ADAMTS17: variants seen among roughly 807,000 people sequenced by gnomAD.
ADAMTS17 encodes the protein A disintegrin and metalloproteinase with thrombospondin motifs 17.
Under a neutral mutation model 141.5 loss-of-function variants are expected in ADAMTS17, and 113 were observed. The observed-to-expected ratio is 0.80, with a 90% confidence interval of 0.69 to 0.93. ADAMTS17 has a LOEUF of 0.93. Ranked by LOEUF, ADAMTS17 falls within the 40% of genes least tolerant of loss-of-function variation. The probability of loss-of-function intolerance (pLI) is 0.00; values close to 1 mark genes in which losing one functional copy is unlikely to be tolerated. For missense variants in ADAMTS17, 1,659 were observed against 1,517.9 expected (o/e 1.09, Z -1.54); for synonymous variants, 768 against 630.6 (o/e 1.22, Z -3.27).
Position 99,974,435 on chromosome 15 carries a change from T to C in ADAMTS17, c.3255A>G (p.Ala1085=), listed in dbSNP as rs765072526. 1 of 1,614,192 alleles carries C rather than the reference T, an allele frequency of 6.2e-7. No individual in the cohort carries two copies. The change falls in exon 22 of 22, where the codon GCA becomes GCG. Residue 1085 remains alanine (A), a synonymous_variant. Coordinates refer to ENST00000268070, the MANE Select transcript of ADAMTS17 (RefSeq NM_139057.4). ...RCCQTCRDFY[A]NKMRQPPPNS is the part of the protein sequence containing the mutation. Reference sequence around the variant, plus strand: ...TCGGCGGTGGCTGGCGCATCTTGTTTGCATAGAAGTCCCTGCAGGTCTGGC... The same window carrying C: ...TCGGCGGTGGCTGGCGCATCTTGTTCGCATAGAAGTCCCTGCAGGTCTGGC...
intron 12 of ADAMTS17, chr15:100,128,753 G>T (rs2037879055): frequency 6.6e-6 from 1 of 152,256 alleles, no homozygotes; most frequent in Non-Finnish European, 1.5e-5. Context: ...GAGAGTACGA[G>T]AGTACACTAA....
At chr15:100,296,618 C>T (rs931069870) in intron 3 of ADAMTS17, among the ~76,000 whole-genome samples, 6 of 150,188 alleles carry the variant, frequency 4.0e-5, no homozygotes, top group African/African-American at 7.3e-5. Flanking sequence ...TGTGTGTGTG[C>T]GCATGCACGC....
chr15:100,281,409 A>C lies in ADAMTS17; in HGVS notation c.617-8T>G. On this transcript the variant is annotated splice_polypyrimidine_tract_variant and splice_region_variant and intron_variant, in intron 3 of 21. Coordinates refer to ENST00000268070, the MANE Select transcript of ADAMTS17 (RefSeq NM_139057.4). ...ACGTCGGCTTCTTCTTTTCTAGAAA[A>C]TGATGGAAACATTTGTGCGGTCCTT... 1 of 1,611,774 alleles carries C rather than the reference A, an allele frequency of 6.2e-7. No homozygotes were observed. The highest frequency in any genetic ancestry group is 8.5e-7 in the Non-Finnish European group (1 of 1,179,670).
chr15:100,189,650 C>T (rs955880895), intron 8 of ADAMTS17, among the ~76,000 whole-genome samples: 12 of 152,206 alleles, frequency 7.9e-5, no homozygotes, highest in Admixed American at 5.2e-4. Flanking sequence ...GCCTTTGGGT[C>T]GTCAGCAGGC....
Position 100,333,443 on chromosome 15 carries a change from G to A in ADAMTS17, c.451-2389C>T, listed in dbSNP as rs191307256. On this transcript the variant is annotated intron_variant, in intron 2 of 21. Coordinates refer to ENST00000268070, the MANE Select transcript of ADAMTS17 (RefSeq NM_139057.4). ...GCCCCTACTCCAGGCCAAGTGAATC[G>A]GAATCTCTGGGGTGGAGCCCAGGCA... Among the ~76,000 whole-genome samples, 122 of 152,282 alleles carry A rather than the reference G, an allele frequency of 8.0e-4. 1 individual carries two copies. The highest frequency in any genetic ancestry group is 3.4e-3 in the Middle Eastern group (1 of 294).
At chr15:100,339,143 T>C (rs2046291198) in intron 2 of ADAMTS17, 1 of 985,520 alleles carries the variant, frequency 1.0e-6, no homozygotes, top group Non-Finnish European at 1.2e-6. Flanking sequence ...CTCAGCCTGT[T>C]GGCCAGGTTC....
chr15:100,139,653 T>A (rs904132783), intron 10 of ADAMTS17, among the ~76,000 whole-genome samples: 1 of 152,198 alleles, frequency 6.6e-6, no homozygotes, highest in East Asian at 1.9e-4. Flanking sequence ...GCATCACCAG[T>A]AACGAGACAT....
chr15:100,078,519 G>A (rs11852321), intron 15 of ADAMTS17, among the ~76,000 whole-genome samples: 23,749 of 152,004 alleles, frequency 0.16, 3,593 homozygotes, highest in African/African-American at 0.4. Context: ...ATCCATATGC[G>A]AAAGGATGAA....
chr15:100,157,729 C>T (rs1236683400), intron 8 of ADAMTS17, among the ~76,000 whole-genome samples: 2 of 148,738 alleles, frequency 1.3e-5, no homozygotes, highest in Non-Finnish European at 3.0e-5. Flanking sequence ...GTTGATCTGG[C>T]GTGGTGGCAG....
At chr15:100,142,202 A>T (rs1596543602) in intron 10 of ADAMTS17, among the ~76,000 whole-genome samples, 1 of 152,218 alleles carries the variant, frequency 6.6e-6, no homozygotes, top group African/African-American at 2.4e-5. Context: ...GCATCAGAGG[A>T]ACAAACTTTG....
intron 7 of ADAMTS17, among the ~76,000 whole-genome samples, chr15:100,224,163 T>A (rs1384564632): frequency 6.6e-6 from 1 of 152,188 alleles, no homozygotes; most frequent in African/African-American, 2.4e-5. Context: ...CACCCAGGAT[T>A]AATATTCTGT....
At chr15:100,174,172 G>A (rs181887652) in intron 8 of ADAMTS17, among the ~76,000 whole-genome samples, 117 of 152,332 alleles carry the variant, frequency 7.7e-4, no homozygotes, top group African/African-American at 2.6e-3. Context: ...TTCTTAGCTA[G>A]GCAACACAAC....
rs2033992436 is a variant in ADAMTS17 at position 100,071,818 on chromosome 15, T to C, written c.2138-17764A>G. Among the ~76,000 whole-genome samples, 5 of 150,550 alleles carry C rather than the reference T, an allele frequency of 3.3e-5. No homozygotes were observed. The South Asian group carries it at 8.4e-4, about 25-fold the overall frequency. On this transcript the variant is annotated intron_variant, in intron 15 of 21. Coordinates refer to ENST00000268070, the MANE Select transcript of ADAMTS17 (RefSeq NM_139057.4). ...AATATCATACCGAATGGGCAAAAAC[T>C]GGAAGCATTCCCTTTGAAAACTGGC...
At chr15:99,994,704 T>A (rs1321438747) in intron 19 of ADAMTS17, among the ~76,000 whole-genome samples, 1 of 152,130 alleles carries the variant, frequency 6.6e-6, no homozygotes, top group Admixed American at 6.5e-5. Context: ...GTAGCTGGGA[T>A]TACAGGCGCC....
chr15:100,054,179 A>T, intron 15 of ADAMTS17, 125 bp from the exon 16 acceptor site: 1 of 1,123,596 alleles, frequency 8.9e-7, no homozygotes, highest in East Asian at 2.4e-5. Context: ...GGAAGGAGGG[A>T]GGCCTGAAGC....
At chr15:100,246,922 C>T (rs980000308) in intron 7 of ADAMTS17, among the ~76,000 whole-genome samples, 10 of 150,542 alleles carry the variant, frequency 6.6e-5, no homozygotes, top group African/African-American at 1.7e-4. Context: ...CTCTCTCTGT[C>T]GCCCAGGCTG....
intron 14 of ADAMTS17, among the ~76,000 whole-genome samples, chr15:100,097,398 A>G (rs2035828038): frequency 6.6e-6 from 1 of 152,200 alleles, no homozygotes; most frequent in African/African-American, 2.4e-5. Flanking sequence ...AGAAATCAAG[A>G]TGCAAGATAA....
At chr15:100,159,330 A>C (rs1392458456) in intron 8 of ADAMTS17, among the ~76,000 whole-genome samples, 10 of 152,238 alleles carry the variant, frequency 6.6e-5, no homozygotes, top group Admixed American at 5.9e-4. Flanking sequence ...GGTGAACCTT[A>C]AGGACTTTAT....
At chr15:100,203,441 C>T (rs1303618690) in intron 7 of ADAMTS17, among the ~76,000 whole-genome samples, 1 of 151,796 alleles carries the variant, frequency 6.6e-6, no homozygotes, top group East Asian at 1.9e-4. Flanking sequence ...GTGTGGTGGC[C>T]CACGCCTGTA....
Sources: allele counts gnomAD v4.1 joint callset (sites outside exome capture counted in the v4.1 genomes callset), GRCh38; gene constraint gnomAD v4.1.1; transcripts MANE v1.5; gene names NCBI Gene and HGNC (gene_info 2026-07-23, HGNC 2026-07-21).